The following SH2B1 variants were observed in gnomAD, a reference collection of about 807,000 sequenced individuals.
SH2B1 encodes SH2B adapter protein 1.
A neutral mutation model predicts 62.6 loss-of-function variants in SH2B1; 15 were observed. The ratio of observed to expected loss-of-function variants is 0.24; its 90% CI spans 0.16 to 0.37. SH2B1 has a LOEUF of 0.37. Among genes scored for constraint, SH2B1 ranks in the 10% least tolerant of loss-of-function variants. The pLI is 1.00. For synonymous variants in SH2B1, 443 were observed against 438.0 expected (o/e 1.01, Z -0.14); for missense variants, 925 against 1,015.6 (o/e 0.91, Z 1.21).
chr16:28,865,087 C>A lies in SH2B1; in HGVS notation c.-1008C>A. On this transcript the variant is annotated 5_prime_UTR_variant, in exon 1 of 8. Coordinates refer to ENST00000684370, the MANE Select transcript of SH2B1 (RefSeq NM_001387430.1). ...TCCATGGCCTTAACCAGAAGGCTAA[C>A]CTGCCTTTAGGGCATACTCCCCAGT... 1.0e-6 allele frequency: 1 copy of A among 985,532 alleles called. No homozygotes were observed. Among genetic ancestry groups the A allele is most frequent in the Non-Finnish European group, 1.2e-6 (1 of 829,940 alleles). The allele number at this position is 985,532 out of a possible 1,614,324, so 61.0% of individuals were successfully genotyped here.
intron 1 of SH2B1, among the ~76,000 whole-genome samples, chr16:28,848,871 C>T (rs1015639008): frequency 6.6e-6 from 1 of 151,956 alleles, no homozygotes; most frequent in African/African-American, 2.4e-5. Context: ...GGGGTTTCAC[C>T]ATATTGGCCA....
At chr16:28,871,006 T>C (rs980195215) in intron 4 of SH2B1, among the ~76,000 whole-genome samples, 4 of 150,694 alleles carry the variant, frequency 2.7e-5, no homozygotes, top group African/African-American at 9.8e-5. Context: ...TGTGTGTGTG[T>C]GTGTGTGTGT....
chr16:28,866,087 G>A lies in SH2B1; in HGVS notation c.-8G>A, dbSNP rs1457681961. 2 of 1,543,944 alleles carry A rather than the reference G, an allele frequency of 1.3e-6. No individual in the cohort carries two copies. Among genetic ancestry groups the A allele is most frequent in the Non-Finnish European group, 1.7e-6 (2 of 1,149,198 alleles). On this transcript the variant is annotated 5_prime_UTR_variant, in exon 1 of 8. Transcript: ENST00000684370. This position sits in a 1 kb window ranked among gnomAD's most constrained non-coding sequence, Gnocchi z 6.3. ...CAGGCTCCCCCTCTCCACCTCCTGG[G>A]GCCCATCATGAATGGTGCCCCTTCC...
At position 28,864,829 on chromosome 16, in the gene SH2B1, TGAA is replaced by T. The variant is rs1962597839; in HGVS notation, c.-1263_-1261del. The T allele has an allele frequency of 7.1e-6, 2 of 282,058 alleles. No individual in the cohort carries two copies. Among genetic ancestry groups the T allele is most frequent in the African/African-American group, 4.6e-5 (2 of 43,718 alleles). The allele number at this position is 282,058 out of a possible 1,614,324, so 17.5% of individuals were successfully genotyped here. A position where few individuals can be genotyped will look rare whatever the true frequency, so the allele number is the denominator to read the frequency against. On this transcript the variant is annotated 5_prime_UTR_variant, in exon 1 of 8. Coordinates refer to ENST00000684370, the MANE Select transcript of SH2B1 (RefSeq NM_001387430.1). ...GGAACAATAATATTCTTCTCCCACATGAAGATAGTAACAATGGCAGTCGTTCAG... is the reference window on the plus strand; with the variant it reads ...GGAACAATAATATTCTTCTCCCACATGATAGTAACAATGGCAGTCGTTCAG...
chr16:28,863,913 C>T lies in SH2B1; in HGVS notation c.-2182C>T. The T allele has an allele frequency of 2.0e-6, 3 of 1,484,508 alleles. No individual in the cohort carries two copies. The highest frequency in any genetic ancestry group is 2.6e-5 in the South Asian group (2 of 78,380). The allele number at this position is 1,484,508 out of a possible 1,614,324, so 92.0% of individuals were successfully genotyped here. A position where few individuals can be genotyped will look rare whatever the true frequency, so the allele number is the denominator to read the frequency against. ...GCGGGAGCCGCCGCCGCCGCCGCCG[C>T]CGCCGGAGCTAACCTCGGGGACCGA... On this transcript the variant is annotated 5_prime_UTR_variant, in exon 1 of 8. Coordinates refer to ENST00000684370, the MANE Select transcript of SH2B1 (RefSeq NM_001387430.1).
Position 28,872,133 on chromosome 16 carries a change from C to T in SH2B1, c.1514-57C>T. 6.5e-7 allele frequency: 1 copy of T among 1,546,546 alleles called. No individual in the cohort carries two copies. Reference sequence around the variant, plus strand: ...AGGGGAAGGCAAGGCTTTTTTCTCCCAGGATGGGGGAGGCTGCCCTGACAC... The same window carrying T: ...AGGGGAAGGCAAGGCTTTTTTCTCCTAGGATGGGGGAGGCTGCCCTGACAC... On this transcript the variant is annotated intron_variant, in intron 5 of 7. Coordinates refer to ENST00000684370, the MANE Select transcript of SH2B1 (RefSeq NM_001387430.1). The surrounding 1 kb of genome is among the most constrained non-coding windows in gnomAD (Gnocchi z 5.3).
chr16:28,863,688 G>T, upstream of SH2B1: 1 of 1,535,778 alleles, frequency 6.5e-7, no homozygotes, highest in Non-Finnish European at 8.7e-7. Context: ...AGAAGGCACT[G>T]AAGCCCTACG....
upstream of SH2B1, among the ~76,000 whole-genome samples, chr16:28,860,964 G>A (rs1256325313): frequency 6.6e-6 from 1 of 151,650 alleles, no homozygotes; most frequent in Non-Finnish European, 1.5e-5. Flanking sequence ...TTACAGGCAC[G>A]CGCCACCACA....
intron 1 of SH2B1, among the ~76,000 whole-genome samples, chr16:28,847,222 G>C (rs967526003): frequency 8.5e-5 from 13 of 152,208 alleles, no homozygotes; most frequent in African/African-American, 3.1e-4. Context: ...CCTTTAATCT[G>C]TCGGTGTCCC....
In SH2B1 at chr16:28,872,471, G is replaced by A. The variant is rs2152187762; in HGVS notation, c.1726-63G>A. On this transcript the variant is annotated intron_variant, in intron 6 of 7. Transcript: ENST00000684370. This position sits in a 1 kb window ranked among gnomAD's most constrained non-coding sequence, Gnocchi z 5.3. ...AGTGGGGTGGGGGAGCACTGCCGGGGGAGGGGGTTTGTACCTGGCAGGGCC... is the reference window on the plus strand; with the variant it reads ...AGTGGGGTGGGGGAGCACTGCCGGGAGAGGGGGTTTGTACCTGGCAGGGCC... The A allele has an allele frequency of 1.3e-6, 2 of 1,574,262 alleles. No homozygotes were observed. The highest frequency in any genetic ancestry group is 8.7e-7 in the Non-Finnish European group (1 of 1,155,846).
At chr16:28,858,055 C>T (rs982510765) in intron 1 of SH2B1, among the ~76,000 whole-genome samples, 2 of 151,732 alleles carry the variant, frequency 1.3e-5, no homozygotes, top group African/African-American at 4.8e-5. Context: ...CTTATTAGTA[C>T]ATCACTGGCC....
intron 1 of SH2B1, among the ~76,000 whole-genome samples, chr16:28,851,938 G>C (rs543337539): frequency 6.7e-6 from 1 of 149,398 alleles, no homozygotes; most frequent in Non-Finnish European, 1.5e-5. Context: ...ATGGTGGTGC[G>C]CACCTGTGGT....
intron 4 of SH2B1, among the ~76,000 whole-genome samples, chr16:28,870,393 G>C (rs1008407263): frequency 6.6e-6 from 1 of 152,190 alleles, no homozygotes; most frequent in Non-Finnish European, 1.5e-5. Context: ...GAGAGACAGG[G>C]ACTGCGACGC....
Position 28,864,567 on chromosome 16 carries a change from C to T in SH2B1, c.-1528C>T. ...GAGGCCCAGGAGGAAGGGGAGGGTT[C>T]ACCGACTTACAGCCTGGCTGTAGGT... On this transcript the variant is annotated 5_prime_UTR_variant, in exon 1 of 8. Transcript: ENST00000684370. 2 of 985,630 alleles carry T rather than the reference C, an allele frequency of 2.0e-6. No individual in the cohort carries two copies. Among genetic ancestry groups the T allele is most frequent in the Non-Finnish European group, 2.4e-6 (2 of 830,078 alleles). The allele number at this position is 985,630 out of a possible 1,614,324, so 61.1% of individuals were successfully genotyped here.
At position 28,872,004 on chromosome 16, in the gene SH2B1, C is replaced by A; in HGVS notation, c.1513+21C>A. 6.7e-7 allele frequency: 1 copy of A among 1,498,766 alleles called. No individual in the cohort carries two copies. The highest frequency in any genetic ancestry group is 9.3e-7 in the Non-Finnish European group (1 of 1,075,908). 92.8% of individuals were successfully genotyped at this position (1,498,766 alleles called of 1,614,324 possible). ...CACAGGTACCGGAGGTGTGAGTGTG[C>A]ATGTCTCCAGGCCTGGGTGCCTACC... On this transcript the variant is annotated intron_variant, in intron 5 of 7. Transcript: ENST00000684370. This position sits in a 1 kb window ranked among gnomAD's most constrained non-coding sequence, Gnocchi z 5.3.
chr16:28,870,683 T>A (rs1008689281), intron 4 of SH2B1, among the ~76,000 whole-genome samples: 1 of 152,012 alleles, frequency 6.6e-6, no homozygotes, highest in African/African-American at 2.4e-5. Flanking sequence ...AAAAAATTAT[T>A]GTTTGTGTTT....
rs1199929955 is a variant in SH2B1 at position 28,851,178 on chromosome 16, GA to G, written c.-301+4364del. On this transcript the variant is annotated intron_variant, in intron 1 of 10. Transcript: ENST00000322610. Reference sequence around the variant, plus strand: ...ACAGAGCAAGACTCTGTCTCAAAAAGAAAAAAAAAAAAACCAACCTATCCAA... The same window carrying G: ...ACAGAGCAAGACTCTGTCTCAAAAAGAAAAAAAAAAAACCAACCTATCCAA... 3.1e-4 allele frequency among the ~76,000 whole-genome samples: 41 copies of G among 131,404 alleles called. 1 individual carries two copies. The highest frequency in any genetic ancestry group is 4.9e-4 in the South Asian group (2 of 4,044). The allele number at this position is 131,404 out of a possible 152,430, so 86.2% of individuals were successfully genotyped here. A position where few individuals can be genotyped will look rare whatever the true frequency, so the allele number is the denominator to read the frequency against.
In SH2B1 at chr16:28,852,551, C is replaced by T. The variant is rs1172589450; in HGVS notation, c.-301+5724C>T. ...ATATACACATATATTTATATATATA[C>T]ACATATTTATATATATACACATATA... is the stretch of plus-strand genomic sequence containing the variant. On this transcript the variant is annotated intron_variant, in intron 1 of 10. Coordinates refer to the SH2B1 transcript ENST00000322610. Among the ~76,000 whole-genome samples, 6 of 14,056 alleles carry T rather than the reference C, an allele frequency of 4.3e-4. 1 individual carries two copies. The East Asian group carries it at 0.013, about 31-fold the overall frequency. The allele number at this position is 14,056 out of a possible 152,430, so 9.2% of individuals were successfully genotyped here.
chr16:28,870,402 G>A (rs75937606), intron 4 of SH2B1, among the ~76,000 whole-genome samples: 3,629 of 152,262 alleles, frequency 0.024, 151 homozygotes, highest in African/African-American at 0.082. Flanking sequence ...GGACTGCGAC[G>A]CCGAGGAGAG....
Sources: allele counts gnomAD v4.1 joint callset (sites outside exome capture counted in the v4.1 genomes callset), GRCh38; gene constraint gnomAD v4.1.1; non-coding constraint Gnocchi (gnomAD v3.1); transcripts MANE v1.5; gene names NCBI Gene and HGNC (gene_info 2026-07-23, HGNC 2026-07-21).